The following TEX48 variants were observed in gnomAD, a reference collection of about 807,000 sequenced individuals.
TEX48 encodes the protein testis-expressed protein 48.
In TEX48, 10 loss-of-function variants were observed where a neutral mutation model predicts 13.2. The observed-to-expected ratio is 0.75, with a 90% confidence interval of 0.47 to 1.28. TEX48 has a LOEUF of 1.28. TEX48 is among the 50% of genes most tolerant of loss of function. The probability of loss-of-function intolerance (pLI) is 0.00; values close to 1 mark genes in which losing one functional copy is unlikely to be tolerated. For synonymous variants in TEX48, 45 were observed against 52.3 expected (o/e 0.86, Z 0.60); for missense variants, 116 against 139.4 (o/e 0.83, Z 0.84).
intron 3 of TEX48, among the ~76,000 whole-genome samples, chr9:114,670,004 G>A (rs905940977): frequency 3.3e-5 from 5 of 152,134 alleles, no homozygotes; most frequent in Non-Finnish European, 7.3e-5. Flanking sequence ...TCTGTGATAG[G>A]CAGCTCTGTC....
rs1176250476 is a variant in TEX48, at chr9:114,667,905, CA to C, written c.259+300del. ...TAGACAACAGAGGGAGACTCCATCT[CA>C]AAAAAAAAAAAAAAAAAAAAAGATG... On this transcript the variant is annotated intron_variant, in intron 4 of 4. Coordinates refer to ENST00000436752, the MANE Select transcript of TEX48 (RefSeq NM_001199233.2). 2.9e-3 allele frequency among the ~76,000 whole-genome samples: 174 copies of C among 60,492 alleles called. 2 individuals carry two copies. Among genetic ancestry groups the C allele is most frequent in the East Asian group, 0.011 (19 of 1,692 alleles). The allele number at this position is 60,492 out of a possible 152,430, so 39.7% of individuals were successfully genotyped here. A position where few individuals can be genotyped will look rare whatever the true frequency, so the allele number is the denominator to read the frequency against.
At chr9:114,673,946 C>T (rs1453986449) in intron 1 of TEX48, among the ~76,000 whole-genome samples, 2 of 151,950 alleles carry the variant, frequency 1.3e-5, no homozygotes, top group African/African-American at 4.8e-5. Context: ...GCTGGGACTA[C>T]AGGTGTGCAC....
intron 1 of TEX48, among the ~76,000 whole-genome samples, chr9:114,673,563 G>A (rs1242348829): frequency 6.6e-6 from 1 of 151,470 alleles, no homozygotes; most frequent in East Asian, 1.9e-4. Context: ...AAAACAACTG[G>A]AATAAATAAA....
At position 114,671,520 on chromosome 9, in the gene TEX48, G is replaced by A. The variant is rs1282157629; in HGVS notation, c.5-15C>T. The stretch of plus-strand genomic sequence containing the variant: ...TTGGTGGGCTGCTGTTGGAGGCAAA[G>A]GAATGAGGGGCATGGGTTCCGGAAT... On this transcript the variant is annotated splice_polypyrimidine_tract_variant and intron_variant, in intron 2 of 4. Transcript: ENST00000436752. 21 of 1,480,164 alleles carry A rather than the reference G, an allele frequency of 1.4e-5. No homozygotes were observed. In the East Asian group the frequency reaches 5.1e-4, roughly 36 times the overall value. 91.7% of individuals were successfully genotyped at this position (1,480,164 alleles called of 1,614,324 possible). A position where few individuals can be genotyped will look rare whatever the true frequency, so the allele number is the denominator to read the frequency against.
chr9:114,672,484 T>A (rs1827967242), intron 1 of TEX48, among the ~76,000 whole-genome samples: 1 of 152,216 alleles, frequency 6.6e-6, no homozygotes, highest in Non-Finnish European at 1.5e-5. Context: ...AAAACCCTCT[T>A]TAAAAGGAAA....
chr9:114,674,932 A>C (rs1306823733), intron 1 of TEX48, among the ~76,000 whole-genome samples: 1 of 151,268 alleles, frequency 6.6e-6, no homozygotes, highest in Non-Finnish European at 1.5e-5. Context: ...TGGCCTCCCA[A>C]AGTGCTGGGG....
intron 4 of TEX48, among the ~76,000 whole-genome samples, chr9:114,667,174 G>A (rs796947889): frequency 6.6e-5 from 10 of 152,308 alleles, no homozygotes; most frequent in African/African-American, 2.4e-4. Context: ...AAGCAGAGCT[G>A]TTCCTCTTTG....
intron 1 of TEX48, among the ~76,000 whole-genome samples, chr9:114,672,481 T>C (rs4246903): frequency 0.59 from 90,158 of 152,028 alleles, 26,873 homozygotes; most frequent in Admixed American, 0.68. Context: ...GGCAAAACCC[T>C]CTTTAAAAGG....
At position 114,668,303 on chromosome 9, in the gene TEX48, TTGTC is replaced by T; in HGVS notation, c.158_161del (p.Arg53LysfsTer18). The T allele has an allele frequency of 6.5e-7, 1 of 1,535,694 alleles. No homozygotes were observed. Among genetic ancestry groups the T allele is most frequent in the Non-Finnish European group, 8.7e-7 (1 of 1,146,898 alleles). On this transcript the variant is annotated frameshift_variant, in exon 4 of 5. Transcript: ENST00000436752. LOFTEE classifies it high-confidence loss of function. The stretch of plus-strand genomic sequence containing the variant: ...AGACTGCGTTAATGCGCTTGGGATT[TTGTC>T]TGTCAAGCTCATCCTTCTGAAGCAG...
chr9:114,671,540 C>T (rs945520726), intron 2 of TEX48, 35 bp from the exon 3 acceptor site: 107 of 1,534,422 alleles, frequency 7.0e-5, no homozygotes, highest in Middle Eastern at 1.7e-4. Flanking sequence ...GCATGGGTTC[C>T]GGAATCTGAA....
intron 4 of TEX48, among the ~76,000 whole-genome samples, chr9:114,667,495 C>A (rs1023269997): frequency 3.3e-5 from 5 of 152,224 alleles, no homozygotes; most frequent in African/African-American, 1.2e-4. Context: ...ATGCACCTGG[C>A]TGGATCTGGG....
At chr9:114,669,975 T>A (rs1399495698) in intron 3 of TEX48, among the ~76,000 whole-genome samples, 7 of 152,364 alleles carry the variant, frequency 4.6e-5, no homozygotes, top group Admixed American at 2.6e-4. Context: ...AAGAATTTTG[T>A]CAATAGTCTG....
intron 1 of TEX48, among the ~76,000 whole-genome samples, chr9:114,674,604 TCC>T (rs1828019417): frequency 1.1e-3 from 21 of 18,698 alleles, no homozygotes; most frequent in South Asian, 2.6e-3. Context: ...TCTTTTTCTT[TCC>T]TTCCTTCCTT....
chr9:114,676,396 C>A (rs9886907), intron 1 of TEX48, among the ~76,000 whole-genome samples: 72,601 of 151,544 alleles, frequency 0.48, 17,334 homozygotes, highest in African/African-American at 0.5. Flanking sequence ...ATCTCGAATT[C>A]CTTAGCTCAA....
chr9:114,681,755 T>A (rs1828204783), intron 1 of TEX48, among the ~76,000 whole-genome samples: 3 of 149,542 alleles, frequency 2.0e-5, no homozygotes, highest in Non-Finnish European at 3.0e-5. Context: ...GAACTTCAGG[T>A]CTCTAGTGAC....
chr9:114,680,684 A>T (rs1564319002), intron 1 of TEX48, among the ~76,000 whole-genome samples: 1 of 152,150 alleles, frequency 6.6e-6, no homozygotes, highest in Non-Finnish European at 1.5e-5. Flanking sequence ...GTTGAGGGAG[A>T]CCAGAAGGCA....
At chr9:114,675,730 C>A (rs1274530206) in intron 1 of TEX48, among the ~76,000 whole-genome samples, 3 of 152,214 alleles carry the variant, frequency 2.0e-5, no homozygotes, top group Admixed American at 6.5e-5. Flanking sequence ...CCCAAGTCTG[C>A]AGATCCAACT....
At chr9:114,679,949 A>C (rs1828155085) in intron 1 of TEX48, among the ~76,000 whole-genome samples, 1 of 152,088 alleles carries the variant, frequency 6.6e-6, no homozygotes, top group Non-Finnish European at 1.5e-5. Flanking sequence ...CACCATTGCT[A>C]ACACTCCCGT....
chr9:114,675,820 G>A (rs1167848436), intron 1 of TEX48, among the ~76,000 whole-genome samples: 2 of 152,198 alleles, frequency 1.3e-5, no homozygotes, highest in Non-Finnish European at 2.9e-5. Flanking sequence ...CATAAGAGAT[G>A]CTGTATAGGC....
Sources: gnomAD v4.1 joint callset for allele counts (sites outside exome capture counted in the v4.1 genomes callset) on GRCh38, gnomAD v4.1.1 for gene constraint, MANE v1.5 for transcripts, NCBI Gene and HGNC (gene_info 2026-07-23, HGNC 2026-07-21) for gene names.